The following USP45 variants were observed in gnomAD, a reference collection of about 807,000 sequenced individuals.
USP45 encodes ubiquitin carboxyl-terminal hydrolase 45.
In USP45, 89 loss-of-function variants were observed where a neutral mutation model predicts 95.8. The ratio of observed to expected loss-of-function variants is 0.93; its 90% CI spans 0.78 to 1.11. The LOEUF is 1.11. Ranked by LOEUF, USP45 falls within the 50% of genes least tolerant of loss-of-function variation. The pLI, the probability that USP45 is intolerant of heterozygous loss-of-function variation, is 0.00. For synonymous variants in USP45, 281 were observed against 316.2 expected (o/e 0.89, Z 1.18); for missense variants, 898 against 942.5 (o/e 0.95, Z 0.62).
At chr6:99,488,077 T>C (rs989076873) in intron 7 of USP45, 123 bp downstream of exon 7, 1 of 647,934 alleles carries the variant, frequency 1.5e-6, no homozygotes, top group Non-Finnish European at 2.7e-6. Flanking sequence ...AGAATGCTTT[T>C]AAATTATTTT....
chr6:99,505,673 C>A (rs1798366948), intron 4 of USP45, among the ~76,000 whole-genome samples: 1 of 149,852 alleles, frequency 6.7e-6, no homozygotes. Context: ...TAATGCATTA[C>A]ACCAATGCTA....
intron 9 of USP45, among the ~76,000 whole-genome samples, chr6:99,469,471 A>ATT (rs1329192928): frequency 6.6e-5 from 5 of 75,916 alleles, no homozygotes; most frequent in East Asian, 4.3e-4. Context: ...ATATATATAT[A>ATT]ATATATATAT....
Position 99,445,849 on chromosome 6 carries a change from A to T in USP45, c.1923T>A (p.Cys641Ter), listed in dbSNP as rs752096421. The T allele has an allele frequency of 1.6e-5, 26 of 1,600,144 alleles. No individual in the cohort carries two copies. Among genetic ancestry groups the T allele is most frequent in the Admixed American group, 3.6e-5 (2 of 56,230 alleles). Residue 641 changes from cysteine to a stop codon, truncating the protein, a stop_gained, in exon 14 of 18, where the codon TGT (cysteine) becomes TGA (stop). Coordinates refer to ENST00000500704, the MANE Select transcript of USP45 (RefSeq NM_001346022.3). LOFTEE classifies it high-confidence loss of function. ...ELLMGNNKLL[C>*]ENCTKNKQKY... ...TCTGTTTGTTTTTAGTACAATTCTC[A>T]CATAGAAGCTTATTATTCCCCATTA...
intron 17 of USP45, 24 bp from the exon 18 acceptor site, chr6:99,435,870 A>G: frequency 2.5e-6 from 4 of 1,598,120 alleles, no homozygotes; most frequent in South Asian, 1.1e-5. Flanking sequence ...AAGAAGTACA[A>G]TTTTAAAGTA....
rs1427287311 is a variant in USP45, at chr6:99,435,594, G to A, written c.*122C>T. 1 of 788,820 alleles carries A rather than the reference G, an allele frequency of 1.3e-6. No homozygotes were observed. Among genetic ancestry groups the A allele is most frequent in the Non-Finnish European group, 1.8e-6 (1 of 543,598 alleles). The allele number at this position is 788,820 out of a possible 1,614,324, so 48.9% of individuals were successfully genotyped here. On this transcript the variant is annotated 3_prime_UTR_variant, in exon 18 of 18. Coordinates refer to ENST00000500704, the MANE Select transcript of USP45 (RefSeq NM_001346022.3). ...TTCACCAAAATGGTGAAAAAGTTCA[G>A]GACCATTTGAGGAACATGCTATTCC...
intron 9 of USP45, among the ~76,000 whole-genome samples, chr6:99,470,988 A>C (rs1789259539): frequency 6.6e-6 from 1 of 152,146 alleles, no homozygotes; most frequent in Non-Finnish European, 1.5e-5. Context: ...ATATCCTGAA[A>C]TGTCATATCA....
chr6:99,446,172 GGGGTCCATCTGGCTGCACACC>G lies in USP45; in HGVS notation c.1579_1599del (p.Gly527_Pro533del), dbSNP rs747689182. 4 of 1,614,150 alleles carry G rather than the reference GGGGTCCATCTGGCTGCACACC, an allele frequency of 2.5e-6. No homozygotes were observed. Among genetic ancestry groups the G allele is most frequent in the Middle Eastern group, 1.7e-4 (1 of 6,060 alleles). On this transcript the variant is annotated inframe_deletion, in exon 14 of 18. Transcript: ENST00000500704. ...AGTTTACCTGCTGACAGAGGGTAAA[GGGGTCCATCTGGCTGCACACC>G]GGATCCACTACTGGATCTGAACAGC...
chr6:99,487,511 C>T (rs967384588), intron 7 of USP45, among the ~76,000 whole-genome samples: 3 of 151,780 alleles, frequency 2.0e-5, no homozygotes, highest in South Asian at 2.1e-4. Flanking sequence ...TAGATGTGGC[C>T]GGGCGTGGTG....
intron 5 of USP45, among the ~76,000 whole-genome samples, chr6:99,499,767 C>T (rs1222569498): frequency 2.6e-5 from 4 of 152,214 alleles, no homozygotes; most frequent in Non-Finnish European, 5.9e-5. Context: ...TCTTCACCTG[C>T]CCAAAGTTCA....
At chr6:99,464,542 C>A in intron 13 of USP45, 62 bp downstream of exon 13, 1 of 1,542,834 alleles carries the variant, frequency 6.5e-7, no homozygotes, top group Admixed American at 2.0e-5. Context: ...TTTAGATGTG[C>A]TTGAAACTTT....
chr6:99,461,390 A>G (rs1404717942), intron 13 of USP45: 2 of 985,272 alleles, frequency 2.0e-6, no homozygotes, highest in Non-Finnish European at 2.4e-6. Flanking sequence ...TTTTGGTTCA[A>G]GAAGGATGTT....
chr6:99,484,715 C>T (rs574938602), intron 7 of USP45, among the ~76,000 whole-genome samples: 3 of 151,564 alleles, frequency 2.0e-5, no homozygotes, highest in Admixed American at 2.0e-4. Flanking sequence ...TGGGAGGATC[C>T]CTTAAGCCCA....
At chr6:99,475,741 T>C (rs189510520) in intron 9 of USP45, among the ~76,000 whole-genome samples, 133 of 152,346 alleles carry the variant, frequency 8.7e-4, no homozygotes, top group Non-Finnish European at 1.3e-3. Flanking sequence ...AAAAAATATC[T>C]AGAATATTTA....
In USP45 at chr6:99,437,264, T is replaced by C; in HGVS notation, c.2296A>G (p.Lys766Glu). 1.2e-6 allele frequency: 2 copies of C among 1,604,560 alleles called. No individual in the cohort carries two copies. The highest frequency in any genetic ancestry group is 1.7e-6 in the Non-Finnish European group (2 of 1,177,746). ...PSRKLSEHNT[K>E]KKNVPGLKAA... ...GGCATACCAGGCACATTTTTCTTTT[T>C]AGTGTTATGTTCCGATAATTTCCTG... Residue 766 changes from lysine (K) to glutamate (E), a missense_variant, in exon 17 of 18, where the codon AAA becomes GAA. Transcript: ENST00000500704.
At chr6:99,461,163 C>T (rs1201022347) in intron 13 of USP45, 3 of 984,922 alleles carry the variant, frequency 3.0e-6, no homozygotes, top group Admixed American at 1.2e-4. Context: ...ACTCAGAGAA[C>T]TGAACTTTTG....
Position 99,482,832 on chromosome 6 carries a change from A to T in USP45, c.766T>A (p.Phe256Ile). The change falls in exon 8 of 18, where the codon TTC becomes ATC. Residue 256 changes from phenylalanine to isoleucine, a missense_variant. Coordinates refer to ENST00000500704, the MANE Select transcript of USP45 (RefSeq NM_001346022.3). ...TCCTTCATGCTGTGAAGAAACAGGA[A>T]CAAGGCTGAGGTCAGTGGTCCAGGC... ...SRPGPLTSAL[F>I]LFLHSMKETE... 6 of 1,606,900 alleles carry T rather than the reference A, an allele frequency of 3.7e-6. No homozygotes were observed. The highest frequency in any genetic ancestry group is 5.1e-6 in the Non-Finnish European group (6 of 1,176,228).
At chr6:99,440,000 A>G in intron 15 of USP45, 145 bp from the exon 16 acceptor site, 1 of 471,060 alleles carries the variant, frequency 2.1e-6, no homozygotes, top group East Asian at 3.5e-5. Flanking sequence ...ATTAATATGA[A>G]TAAATTAAAA....
intron 4 of USP45, among the ~76,000 whole-genome samples, chr6:99,504,696 A>G (rs1798126103): frequency 6.6e-6 from 1 of 152,184 alleles, no homozygotes; most frequent in Admixed American, 6.5e-5. Flanking sequence ...AATGTTGTTG[A>G]GAATCACTGA....
chr6:99,509,078 G>A (rs1799174157), intron 2 of USP45, among the ~76,000 whole-genome samples: 1 of 152,144 alleles, frequency 6.6e-6, no homozygotes. Flanking sequence ...TATCTTGATT[G>A]GTGGTGGTTA....
Sources: allele counts gnomAD v4.1 joint callset (sites outside exome capture counted in the v4.1 genomes callset), GRCh38; gene constraint gnomAD v4.1.1; transcripts MANE v1.5; gene names NCBI Gene and HGNC (gene_info 2026-07-23, HGNC 2026-07-21).